NKAIN2: variants seen among roughly 807,000 people sequenced by gnomAD.
NKAIN2 encodes sodium/potassium-transporting ATPase subunit beta-1-interacting protein 2.
Under a neutral mutation model 32.6 loss-of-function variants are expected in NKAIN2, and 14 were observed. That is an observed-to-expected ratio of 0.43 (90% CI 0.28 to 0.67). The LOEUF is 0.67. Ranked by LOEUF, NKAIN2 falls within the 30% of genes least tolerant of loss-of-function variation. The probability of loss-of-function intolerance (pLI) is 0.17; values close to 1 mark genes in which losing one functional copy is unlikely to be tolerated. For synonymous variants in NKAIN2, 80 were observed against 87.2 expected (o/e 0.92, Z 0.46); for missense variants, 198 against 258.3 (o/e 0.77, Z 1.60).
chr6:124,518,191 C>G (rs1778986670), intron 3 of NKAIN2, among the ~76,000 whole-genome samples: 1 of 151,148 alleles, frequency 6.6e-6, no homozygotes, highest in Admixed American at 6.6e-5. Flanking sequence ...AAAATTCTCT[C>G]TGCACATTTT....
At chr6:124,244,495 G>A (rs1793288706) in intron 1 of NKAIN2, among the ~76,000 whole-genome samples, 1 of 151,898 alleles carries the variant, frequency 6.6e-6, no homozygotes, top group Non-Finnish European at 1.5e-5. Context: ...ACAACTGAAT[G>A]GCTTGTCAAA....
chr6:124,359,377 C>G (rs1050071991), intron 3 of NKAIN2, among the ~76,000 whole-genome samples: 1 of 152,142 alleles, frequency 6.6e-6, no homozygotes, highest in African/African-American at 2.4e-5. Context: ...TGGCCATTTT[C>G]ACGATATTGA....
At chr6:124,809,569 A>G (rs906206711) in intron 5 of NKAIN2, among the ~76,000 whole-genome samples, 6 of 150,882 alleles carry the variant, frequency 4.0e-5, no homozygotes, top group Middle Eastern at 3.4e-3. Context: ...GGACATAGGC[A>G]TGGGCAAGGA....
intron 1 of NKAIN2, among the ~76,000 whole-genome samples, chr6:124,025,307 A>C (rs1781053619): frequency 6.6e-6 from 1 of 152,190 alleles, no homozygotes; most frequent in Non-Finnish European, 1.5e-5. Context: ...GGTCTGAGAC[A>C]TGCAGTAGGA....
chr6:124,405,424 T>C (rs969892224), intron 3 of NKAIN2, among the ~76,000 whole-genome samples: 11 of 152,152 alleles, frequency 7.2e-5, no homozygotes, highest in Non-Finnish European at 1.5e-4. Flanking sequence ...TCTAGAAATG[T>C]AGGATGGGAT....
chr6:124,335,874 T>C (rs187258815), intron 2 of NKAIN2, among the ~76,000 whole-genome samples: 1 of 152,312 alleles, frequency 6.6e-6, no homozygotes, highest in Non-Finnish European at 1.5e-5. Flanking sequence ...TTATCTATTT[T>C]TTTGTTTGCT....
chr6:123,833,138 G>C (rs1774455352), intron 1 of NKAIN2, among the ~76,000 whole-genome samples: 1 of 152,124 alleles, frequency 6.6e-6, no homozygotes, highest in South Asian at 2.1e-4. Flanking sequence ...TGTAAGGTTT[G>C]TGTCTAGAGT....
rs113317251 is a variant in NKAIN2, at chr6:124,172,118, T to C, written c.55-110887T>C. On this transcript the variant is annotated intron_variant, in intron 1 of 6. Transcript: ENST00000368417. ...TGAGCCACTGTGCCCAGCCCCCAAT[T>C]TTTTTAATGATAGTGAAGTTGAACA... 5.9e-3 allele frequency among the ~76,000 whole-genome samples: 895 copies of C among 152,284 alleles called. 12 individuals carry two copies. The highest frequency in any genetic ancestry group is 0.018 in the African/African-American group (758 of 41,570).
chr6:124,000,828 A>G (rs1779849391), intron 1 of NKAIN2, among the ~76,000 whole-genome samples: 1 of 152,098 alleles, frequency 6.6e-6, no homozygotes, highest in Non-Finnish European at 1.5e-5. Context: ...GTTCAAAATC[A>G]CACCAAAAAA....
chr6:123,885,189 C>T (rs1437961701), intron 1 of NKAIN2, among the ~76,000 whole-genome samples: 1 of 152,014 alleles, frequency 6.6e-6, no homozygotes, highest in East Asian at 1.9e-4. Flanking sequence ...TTCTGGATGC[C>T]TTTGTCTTCT....
chr6:124,626,481 G>T (rs530095355), intron 3 of NKAIN2, among the ~76,000 whole-genome samples: 195 of 152,188 alleles, frequency 1.3e-3, no homozygotes, highest in Non-Finnish European at 2.3e-3. Context: ...CCAAAATGCA[G>T]CATTCACACA....
At chr6:124,017,646 C>A (rs962480399) in intron 1 of NKAIN2, among the ~76,000 whole-genome samples, 1 of 152,122 alleles carries the variant, frequency 6.6e-6, no homozygotes, top group Non-Finnish European at 1.5e-5. Context: ...TCCAGTGGGG[C>A]AGTCAAATCT....
At chr6:123,971,814 C>T (rs554271337) in intron 1 of NKAIN2, among the ~76,000 whole-genome samples, 56 of 152,188 alleles carry the variant, frequency 3.7e-4, no homozygotes, top group African/African-American at 7.2e-4. Flanking sequence ...AATATTAATA[C>T]GGTTGAAAGT....
At chr6:123,972,158 A>G (rs754667089) in intron 1 of NKAIN2, among the ~76,000 whole-genome samples, 3 of 152,198 alleles carry the variant, frequency 2.0e-5, no homozygotes, top group African/African-American at 4.8e-5. Flanking sequence ...ACAGTACATA[A>G]TACATAGAAT....
intron 4 of NKAIN2, among the ~76,000 whole-genome samples, chr6:124,689,428 A>G (rs888588696): frequency 1.3e-5 from 2 of 152,082 alleles, no homozygotes; most frequent in Admixed American, 6.6e-5. Flanking sequence ...TTCTCTTGAC[A>G]GTATTTTTCA....
intron 1 of NKAIN2, among the ~76,000 whole-genome samples, chr6:124,277,847 T>A (rs1255023983): frequency 6.6e-6 from 1 of 151,996 alleles, no homozygotes; most frequent in Non-Finnish European, 1.5e-5. Flanking sequence ...AGAAACATAA[T>A]TTGGTTGTTT....
intron 1 of NKAIN2, among the ~76,000 whole-genome samples, chr6:123,806,744 G>A (rs1288140483): frequency 1.3e-5 from 2 of 151,880 alleles, no homozygotes; most frequent in East Asian, 1.9e-4. Context: ...TAACATTTGG[G>A]CATCTTTTTT....
At chr6:124,534,291 C>T (rs189442494) in intron 3 of NKAIN2, among the ~76,000 whole-genome samples, 39 of 152,222 alleles carry the variant, frequency 2.6e-4, no homozygotes, top group African/African-American at 9.1e-4. Context: ...GCTGAGATTA[C>T]AGGAGTGCAC....
intron 1 of NKAIN2, among the ~76,000 whole-genome samples, chr6:124,103,013 A>C (rs2114953223): frequency 6.6e-6 from 1 of 152,292 alleles, no homozygotes; most frequent in African/African-American, 2.4e-5. Flanking sequence ...CTCAGAAAAC[A>C]GTAGACTGAA....
Sources: allele counts gnomAD v4.1 joint callset (sites outside exome capture counted in the v4.1 genomes callset), GRCh38; gene constraint gnomAD v4.1.1; transcripts MANE v1.5; gene names NCBI Gene and HGNC (gene_info 2026-07-23, HGNC 2026-07-21).